Variants in KIF16B observed in about 807,000 individuals in gnomAD.
The protein encoded by KIF16B is kinesin-like protein KIF16B.
In KIF16B, 98 loss-of-function variants were observed where a neutral mutation model predicts 156.3. The observed-to-expected ratio is 0.63, with a 90% CI of 0.53 to 0.74. The LOEUF (loss-of-function observed/expected upper bound fraction) is 0.74, where lower values mean the gene tolerates loss of function less well. Ranked by LOEUF, KIF16B falls within the 30% of genes least tolerant of loss-of-function variation. The pLI is 0.00. For synonymous variants in KIF16B, 564 were observed against 583.7 expected, an observed-to-expected ratio of 0.97 and a Z score of 0.49; for missense variants, 1,421 against 1,606.5, an observed-to-expected ratio of 0.88 and a Z score of 1.97.
intron 12 of KIF16B, among the ~76,000 whole-genome samples, chr20:16,469,418 T>C (rs1265726556): frequency 6.6e-6 from 1 of 151,434 alleles, no homozygotes; most frequent in East Asian, 1.9e-4. Context: ...TCAAGAGAAT[T>C]GAAGAAATAT....
At chr20:16,367,795 G>A (rs1467694021) in intron 22 of KIF16B, 1 of 1,612,442 alleles carries the variant, frequency 6.2e-7, no homozygotes, top group African/African-American at 1.3e-5. Context: ...ATCAGGCTCT[G>A]GCATCAGGAC....
At chr20:16,404,754 T>C in intron 17 of KIF16B, 59 bp downstream of exon 17, 2 of 1,300,952 alleles carry the variant, frequency 1.5e-6, no homozygotes, top group Non-Finnish European at 2.2e-6. Flanking sequence ...TATAATGGAG[T>C]TGGCACAATA....
At chr20:16,288,166 C>G (rs1190825647) in intron 25 of KIF16B, among the ~76,000 whole-genome samples, 8 of 152,206 alleles carry the variant, frequency 5.3e-5, no homozygotes, top group African/African-American at 9.7e-5. Flanking sequence ...GCACCATGAG[C>G]AGGGATCCTA....
chr20:16,470,272 T>C (rs1175474689), intron 12 of KIF16B, among the ~76,000 whole-genome samples: 2 of 152,190 alleles, frequency 1.3e-5, no homozygotes, highest in East Asian at 1.9e-4. Context: ...TACATCTTTA[T>C]ACATTTGTCA....
In KIF16B at chr20:16,368,819, T is replaced by C. The variant is rs1019430179; in HGVS notation, c.3498+1767A>G. 13 of 985,750 alleles carry C rather than the reference T, an allele frequency of 1.3e-5. No individual in the cohort carries two copies. In the African/African-American group the frequency reaches 2.1e-4, roughly 16 times the overall value. 61.1% of individuals were successfully genotyped at this position (985,750 alleles called of 1,614,324 possible). A position where few individuals can be genotyped will look rare whatever the true frequency, so the allele number is the denominator to read the frequency against. On this transcript the variant is annotated intron_variant, in intron 22 of 25. Transcript: ENST00000354981. ...CTGGCCTGCTTGCCTCCGCTATTTA[T>C]AGACACTTCTTGGGACGTATGTTGC...
Position 16,378,863 on chromosome 20 carries a change from A to G in KIF16B, c.3139T>C (p.Ser1047Pro). 1 of 1,613,908 alleles carries G rather than the reference A, an allele frequency of 6.2e-7. No individual in the cohort carries two copies. Among genetic ancestry groups the G allele is most frequent in the Non-Finnish European group, 8.5e-7 (1 of 1,179,950 alleles). ...ASLNSGSREQ[S>P]GLQASLEAEQ... ...GCCTCCAGGCTAGCCTGGAGCCCTG[A>G]CTGCTCTCTGCTGCCACTGTTCAGA... The change falls in exon 19 of 26, where the codon TCA becomes CCA. Residue 1047 changes from serine to proline, a missense_variant. Coordinates refer to ENST00000354981, the MANE Select transcript of KIF16B (RefSeq NM_024704.5).
chr20:16,279,819 C>A (rs2063119545), intron 25 of KIF16B, among the ~76,000 whole-genome samples: 1 of 152,196 alleles, frequency 6.6e-6, no homozygotes, highest in African/African-American at 2.4e-5. Flanking sequence ...CACTATCAAT[C>A]TTTTGAACCA....
chr20:16,476,790 C>T (rs2067826832), intron 12 of KIF16B, among the ~76,000 whole-genome samples: 1 of 152,120 alleles, frequency 6.6e-6, no homozygotes, highest in African/African-American at 2.4e-5. Context: ...GACAGAGTCT[C>T]GCTCTGTCGC....
intron 3 of KIF16B, among the ~76,000 whole-genome samples, chr20:16,524,613 T>G (rs1199378841): frequency 6.6e-6 from 1 of 152,206 alleles, no homozygotes; most frequent in African/African-American, 2.4e-5. Context: ...TGGAAGACAG[T>G]GTGGCGATTC....
At chr20:16,320,606 T>C (rs1389438318) in intron 24 of KIF16B, among the ~76,000 whole-genome samples, 1 of 152,120 alleles carries the variant, frequency 6.6e-6, no homozygotes, top group African/African-American at 2.4e-5. Flanking sequence ...CCCAAAAAGT[T>C]TATATCTAAC....
intron 18 of KIF16B, 38 bp from the exon 19 acceptor site, chr20:16,380,201 T>C (rs2065062122): frequency 6.9e-7 from 1 of 1,454,562 alleles, no homozygotes; most frequent in Non-Finnish European, 9.1e-7. Flanking sequence ...TATCTGGTCA[T>C]TGTTCAAATG....
At chr20:16,555,531 G>A (rs144291639) in intron 1 of KIF16B, among the ~76,000 whole-genome samples, 8 of 152,200 alleles carry the variant, frequency 5.3e-5, no homozygotes, top group Non-Finnish European at 8.8e-5. Flanking sequence ...CATCCTCCAA[G>A]GAAAAGCTCA....
chr20:16,327,443 T>C (rs1477859466), intron 24 of KIF16B, among the ~76,000 whole-genome samples: 2 of 151,768 alleles, frequency 1.3e-5, no homozygotes, highest in Admixed American at 6.6e-5. Context: ...CAAACATTTA[T>C]TGAAATAAAA....
At chr20:16,552,173 GGCTCT>G (rs1487408808) in intron 1 of KIF16B, among the ~76,000 whole-genome samples, 1 of 152,108 alleles carries the variant, frequency 6.6e-6, no homozygotes, top group Non-Finnish European at 1.5e-5. Context: ...TAGGTTTCAT[GGCTCT>G]GTCTGCATTT....
rs189499388 is a variant in KIF16B, at chr20:16,278,036, G to C, written c.3796-4625C>G. Among the ~76,000 whole-genome samples the C allele has an allele frequency of 2.7e-3, 404 of 152,340 alleles. 3 individuals are homozygous for C. The highest frequency in any genetic ancestry group is 4.9e-3 in the Non-Finnish European group (330 of 68,030). The stretch of plus-strand genomic sequence containing the variant: ...CAACATTATGGCCCTGACTTGGATA[G>C]TTGGAGGAGGAAAGTCAGATTAAAC... On this transcript the variant is annotated intron_variant, in intron 25 of 25. Coordinates refer to ENST00000354981, the MANE Select transcript of KIF16B (RefSeq NM_024704.5).
At chr20:16,507,423 T>A (rs1337392178) in intron 7 of KIF16B, among the ~76,000 whole-genome samples, 1 of 152,222 alleles carries the variant, frequency 6.6e-6, no homozygotes, top group Admixed American at 6.5e-5. Flanking sequence ...CTGGCCTCAG[T>A]GTTCAAATAT....
chr20:16,499,891 G>A (rs570336452), intron 10 of KIF16B, among the ~76,000 whole-genome samples: 9 of 152,314 alleles, frequency 5.9e-5, no homozygotes, highest in African/African-American at 2.2e-4. Context: ...TTTGCAAGGT[G>A]TATCTTTAGA....
At chr20:16,530,234 C>G (rs1040178499) in intron 1 of KIF16B, among the ~76,000 whole-genome samples, 1 of 152,188 alleles carries the variant, frequency 6.6e-6, no homozygotes, top group Non-Finnish European at 1.5e-5. Flanking sequence ...AACACGGCTC[C>G]CAGTGATTGC....
intron 1 of KIF16B, among the ~76,000 whole-genome samples, chr20:16,556,875 A>G (rs2070868130): frequency 6.6e-6 from 1 of 151,720 alleles, no homozygotes; most frequent in Non-Finnish European, 1.5e-5. Context: ...ACTGTGCTTT[A>G]TTTTCTTTAT....
Sources: allele counts gnomAD v4.1 joint callset (sites outside exome capture counted in the v4.1 genomes callset), GRCh38; gene constraint gnomAD v4.1.1; transcripts MANE v1.5; gene names NCBI Gene and HGNC (gene_info 2026-07-23, HGNC 2026-07-21).